Variants in ACOXL observed in about 807,000 individuals in gnomAD.
ACOXL encodes acyl-CoA oxidase like, also known as acyl-coenzyme A oxidase-like protein.
Under a neutral mutation model 71.9 loss-of-function variants are expected in ACOXL, and 70 were observed. The ratio of observed to expected loss-of-function variants is 0.97; its 90% confidence interval spans 0.80 to 1.19. ACOXL has a LOEUF of 1.19. Among genes scored for constraint, ACOXL ranks in the 50% most tolerant of loss-of-function variants. The probability of loss-of-function intolerance (pLI) is 0.00; values close to 1 mark genes in which losing one functional copy is unlikely to be tolerated. For synonymous variants in ACOXL, 253 were observed against 281.6 expected (o/e 0.90, Z 1.02); for missense variants, 703 against 736.3 (o/e 0.95, Z 0.52).
intron 11 of ACOXL, among the ~76,000 whole-genome samples, chr2:110,909,255 T>C (rs1484041436): frequency 6.6e-6 from 1 of 152,128 alleles, no homozygotes; most frequent in Admixed American, 6.5e-5. Flanking sequence ...CTGATAAAGG[T>C]TCTAATTTAC....
At chr2:110,837,575 G>A (rs1690609298) in intron 9 of ACOXL, among the ~76,000 whole-genome samples, 1 of 152,020 alleles carries the variant, frequency 6.6e-6, no homozygotes, top group African/African-American at 2.4e-5. Context: ...ATTATTCTCA[G>A]ATTACCCTTT....
chr2:111,015,014 CT>C (rs745748343), intron 14 of ACOXL, among the ~76,000 whole-genome samples: 3 of 152,176 alleles, frequency 2.0e-5, no homozygotes, highest in African/African-American at 7.2e-5. Flanking sequence ...CTATAAACTT[CT>C]CAAAAGAAAA....
intron 1 of ACOXL, among the ~76,000 whole-genome samples, chr2:110,760,360 G>A (rs1680238577): frequency 6.6e-6 from 1 of 152,054 alleles, no homozygotes; most frequent in African/African-American, 2.4e-5. Context: ...TAGACAGGAT[G>A]GTCTCGATCT....
chr2:110,807,210 C>T (rs969556445), intron 9 of ACOXL, among the ~76,000 whole-genome samples: 1 of 152,204 alleles, frequency 6.6e-6, no homozygotes. Flanking sequence ...CTGCCCATGA[C>T]CAGCACTGGG....
At chr2:111,006,322 A>C (rs1305255515) in intron 14 of ACOXL, among the ~76,000 whole-genome samples, 1 of 152,224 alleles carries the variant, frequency 6.6e-6, no homozygotes, top group Non-Finnish European at 1.5e-5. Context: ...ATTAGGCTTA[A>C]AACCATGAAA....
chr2:110,849,682 C>G (rs185695155), intron 10 of ACOXL, among the ~76,000 whole-genome samples: 1 of 152,072 alleles, frequency 6.6e-6, no homozygotes, highest in African/African-American at 2.4e-5. Flanking sequence ...TGCTTGAACC[C>G]GGGAGGTGGA....
chr2:110,918,517 CA>C, intron 11 of ACOXL, among the ~76,000 whole-genome samples: 1 of 152,176 alleles, frequency 6.6e-6, no homozygotes, highest in East Asian at 1.9e-4. Flanking sequence ...ACTAAAACAC[CA>C]AAAGCAATGG....
intron 1 of ACOXL, among the ~76,000 whole-genome samples, chr2:110,747,179 C>T (rs774249390): frequency 2.6e-5 from 4 of 152,150 alleles, no homozygotes; most frequent in South Asian, 2.1e-4. Flanking sequence ...GCCTATCAGA[C>T]GCCTGATCTT....
intron 10 of ACOXL, among the ~76,000 whole-genome samples, chr2:110,896,563 AAAG>A (rs1356652045): frequency 7.9e-5 from 12 of 152,172 alleles, no homozygotes; most frequent in South Asian, 2.1e-4. Context: ...TTTGCCAAAA[AAAG>A]AAGGAGTGGC....
At chr2:110,830,951 C>T (rs1689758442) in intron 9 of ACOXL, among the ~76,000 whole-genome samples, 2 of 152,170 alleles carry the variant, frequency 1.3e-5, no homozygotes, top group Admixed American at 6.5e-5. Flanking sequence ...ATAATTAAAA[C>T]TCTCAGATAA....
intron 9 of ACOXL, among the ~76,000 whole-genome samples, chr2:110,827,016 C>T (rs868093262): frequency 4.6e-5 from 7 of 152,206 alleles, no homozygotes; most frequent in Middle Eastern, 6.8e-3. Context: ...TGTTGGCTGC[C>T]CGAGCCCAGG....
intron 16 of ACOXL, among the ~76,000 whole-genome samples, chr2:111,062,794 G>A (rs2066881857): frequency 6.6e-6 from 1 of 152,012 alleles, no homozygotes; most frequent in Admixed American, 6.5e-5. Context: ...GAATGCAGAA[G>A]TAAGTAAATA....
At chr2:110,835,331 A>C (rs910517576) in intron 9 of ACOXL, among the ~76,000 whole-genome samples, 36 of 152,126 alleles carry the variant, frequency 2.4e-4, no homozygotes, top group African/African-American at 8.2e-4. Flanking sequence ...TCCATAGTGA[A>C]CATAAGTTGC....
chr2:110,795,034 C>T (rs895149521), intron 5 of ACOXL, among the ~76,000 whole-genome samples: 1 of 151,654 alleles, frequency 6.6e-6, no homozygotes, highest in Non-Finnish European at 1.5e-5. Context: ...TTCCTAAGAA[C>T]TACAAAGGGA....
At position 110,762,712 on chromosome 2, in the gene ACOXL, A is replaced by G. The variant is rs997259975; in HGVS notation, c.-22-5656A>G. ...ACTCTGTCACCCAGGCTGGAGTGCA[A>G]TGGTGTGATCTCGCCTCACTGCAAC... is the stretch of plus-strand genomic sequence containing the variant. On this transcript the variant is annotated intron_variant, in intron 1 of 17. Transcript: ENST00000439055. Among the ~76,000 whole-genome samples the G allele has an allele frequency of 3.9e-5, 6 of 152,164 alleles. No individual in the cohort carries two copies. The East Asian group carries it at 7.7e-4, about 20-fold the overall frequency.
In ACOXL at chr2:111,025,478, A is replaced by G. The variant is rs12621337; in HGVS notation, c.1282-6149A>G. On this transcript the variant is annotated intron_variant, in intron 14 of 17. Transcript: ENST00000439055. ...ATTTTAGTTGCTCCACATCCTCACC[A>G]ATACTCGGTTTTGCAAGTCTTACTC... 2.7e-3 allele frequency among the ~76,000 whole-genome samples: 406 copies of G among 152,280 alleles called. 10 individuals are homozygous for G. In the East Asian group the frequency reaches 0.052, roughly 19 times the overall value.
intron 8 of ACOXL, 56 bp downstream of exon 8, chr2:110,801,780 A>G (rs1686034561): frequency 6.5e-7 from 1 of 1,527,452 alleles, no homozygotes; most frequent in Admixed American, 1.7e-5. Context: ...ACTGCTCTCC[A>G]AAGTTGGCTT....
chr2:110,886,882 G>A lies in ACOXL; in HGVS notation c.789-21907G>A, dbSNP rs12615235. Reference sequence around the variant, plus strand: ...TTCCTGAAAACTGGTTTTTGCTAACGTTTCTTACGCTTGCTCGTGAAATCA... The same window carrying A: ...TTCCTGAAAACTGGTTTTTGCTAACATTTCTTACGCTTGCTCGTGAAATCA... On this transcript the variant is annotated intron_variant, in intron 10 of 17. Coordinates refer to ENST00000439055, the MANE Select transcript of ACOXL (RefSeq NM_001142807.4). 9.5e-3 allele frequency: 14,732 copies of A among 1,549,580 alleles called. 1,119 individuals carry two copies. In the Admixed American group the frequency reaches 0.16, roughly 17 times the overall value.
At chr2:110,974,149 C>G (rs899586026) in intron 12 of ACOXL, among the ~76,000 whole-genome samples, 1 of 152,158 alleles carries the variant, frequency 6.6e-6, no homozygotes, top group Non-Finnish European at 1.5e-5. Context: ...GGGAGGCCAC[C>G]CTTCTGTGGG....
Sources: gnomAD v4.1 joint callset for allele counts (sites outside exome capture counted in the v4.1 genomes callset) on GRCh38, gnomAD v4.1.1 for gene constraint, MANE v1.5 for transcripts, NCBI Gene and HGNC (gene_info 2026-07-23, HGNC 2026-07-21) for gene names.